The following EDN1 variants were observed in gnomAD, a reference collection of about 807,000 sequenced individuals.
The protein encoded by EDN1 is endothelin 1, also known as endothelin-1.
A neutral mutation model predicts 21.7 loss-of-function variants in EDN1; 11 were observed. The ratio of observed to expected loss-of-function variants is 0.51; its 90% CI spans 0.32 to 0.84. EDN1 has a LOEUF of 0.84. EDN1 is among the 40% of genes least tolerant of loss of function. The pLI is 0.03. For missense variants in EDN1, 244 were observed against 262.3 expected (o/e 0.93, Z 0.48); for synonymous variants, 85 against 90.6 (o/e 0.94, Z 0.35).
the EDN1 span, among the ~76,000 whole-genome samples, chr6:12,283,739 T>C: frequency 1.1e-4 from 16 of 152,368 alleles, no homozygotes; most frequent in African/African-American, 3.8e-4. Flanking sequence ...TAACCACACA[T>C]GTTGTCTACA....
At chr6:12,273,569 C>T in the EDN1 span, among the ~76,000 whole-genome samples, 1 of 146,450 alleles carries the variant, frequency 6.8e-6, no homozygotes, top group South Asian at 2.1e-4. Context: ...TATATTTAAA[C>T]ACTGATGAGA....
chr6:12,232,262 T>G, the EDN1 span, among the ~76,000 whole-genome samples: 1 of 149,342 alleles, frequency 6.7e-6, no homozygotes, highest in Admixed American at 6.7e-5. Context: ...ATAATTATAA[T>G]ATACACTTTA....
the EDN1 span, among the ~76,000 whole-genome samples, chr6:12,235,224 G>A: frequency 2.0e-5 from 3 of 152,166 alleles, no homozygotes; most frequent in Non-Finnish European, 2.9e-5. Flanking sequence ...AAAGTACAGC[G>A]CAATTGTATG....
chr6:12,260,561 T>C, the EDN1 span, among the ~76,000 whole-genome samples: 1 of 152,202 alleles, frequency 6.6e-6, no homozygotes, highest in African/African-American at 2.4e-5. Context: ...TACCTTCCTC[T>C]TTTTCCCATT....
rs762900257 is a variant in EDN1 at position 12,290,556 on chromosome 6, G to C, written c.-74G>C. On this transcript the variant is annotated 5_prime_UTR_variant, in exon 1 of 5. Coordinates refer to ENST00000379375, the MANE Select transcript of EDN1 (RefSeq NM_001955.5). The stretch of plus-strand genomic sequence containing the variant: ...CTGAGGAACCCGCAGCGCTTTGAGG[G>C]ACCTGAAGCTGTTTTTCTTCGTTTT... The C allele has an allele frequency of 1.3e-5, 16 of 1,255,766 alleles. No individual in the cohort carries two copies. Among genetic ancestry groups the C allele is most frequent in the African/African-American group, 2.9e-5 (2 of 67,834 alleles). The allele number at this position is 1,255,766 out of a possible 1,614,324, so 77.8% of individuals were successfully genotyped here. A position where few individuals can be genotyped will look rare whatever the true frequency, so the allele number is the denominator to read the frequency against.
chr6:12,233,400 C>T, the EDN1 span, among the ~76,000 whole-genome samples: 39 of 152,248 alleles, frequency 2.6e-4, no homozygotes, highest in South Asian at 4.1e-3. Context: ...CTAGTCTACC[C>T]GCCTTCTTCC....
At chr6:12,269,879 T>C in the EDN1 span, among the ~76,000 whole-genome samples, 1 of 152,088 alleles carries the variant, frequency 6.6e-6, no homozygotes, top group Admixed American at 6.5e-5. Context: ...TTGAAAAGAA[T>C]TGATGTTCAT....
At chr6:12,254,355 TA>T in the EDN1 span, among the ~76,000 whole-genome samples, 1 of 152,218 alleles carries the variant, frequency 6.6e-6, no homozygotes, top group Non-Finnish European at 1.5e-5. Context: ...CTTCTCCTTG[TA>T]AACCTTTCCT....
chr6:12,245,631 A>T, the EDN1 span, among the ~76,000 whole-genome samples: 15 of 152,202 alleles, frequency 9.9e-5, no homozygotes, highest in Non-Finnish European at 7.3e-5. Context: ...AGATTATAGA[A>T]ACACCCTCAG....
chr6:12,296,173 G>C lies in EDN1; in HGVS notation c.*106G>C. 3 of 1,013,280 alleles carry C rather than the reference G, an allele frequency of 3.0e-6. No homozygotes were observed. Among genetic ancestry groups the C allele is most frequent in the Non-Finnish European group, 3.1e-6 (2 of 638,834 alleles). 62.8% of individuals were successfully genotyped at this position (1,013,280 alleles called of 1,614,324 possible). On this transcript the variant is annotated 3_prime_UTR_variant, in exon 5 of 5. Transcript: ENST00000379375. Reference sequence around the variant, plus strand: ...ATCAGAGCAGGAGCATCCTCTGCTGGTTCCTGACTGGCAAAGGACCAGCGT... The same window carrying C: ...ATCAGAGCAGGAGCATCCTCTGCTGCTTCCTGACTGGCAAAGGACCAGCGT...
chr6:12,267,892 C>T, the EDN1 span, among the ~76,000 whole-genome samples: 21 of 152,198 alleles, frequency 1.4e-4, no homozygotes, highest in African/African-American at 5.1e-4. Flanking sequence ...AAGCCAATGC[C>T]TATTTACCAT....
chr6:12,260,622 T>A, the EDN1 span, among the ~76,000 whole-genome samples: 1 of 152,242 alleles, frequency 6.6e-6, no homozygotes, highest in African/African-American at 2.4e-5. Flanking sequence ...TATAACCACA[T>A]AAATATTGTT....
the EDN1 span, among the ~76,000 whole-genome samples, chr6:12,279,746 C>G: frequency 6.6e-6 from 1 of 152,126 alleles, no homozygotes; most frequent in Non-Finnish European, 1.5e-5. Context: ...ATGATCAGAA[C>G]CTTAAATGAA....
chr6:12,236,367 C>T, the EDN1 span, among the ~76,000 whole-genome samples: 1 of 152,100 alleles, frequency 6.6e-6, no homozygotes, highest in South Asian at 2.1e-4. Context: ...CAGTGATTCT[C>T]CTGCCTCAGC....
chr6:12,274,219 A>G, the EDN1 span, among the ~76,000 whole-genome samples: 31 of 152,326 alleles, frequency 2.0e-4, 1 homozygote, highest in African/African-American at 6.7e-4. Flanking sequence ...ACTAATTCTA[A>G]TGGATTTTAT....
At chr6:12,280,349 T>C in the EDN1 span, among the ~76,000 whole-genome samples, 1 of 152,250 alleles carries the variant, frequency 6.6e-6, no homozygotes, top group South Asian at 2.1e-4. Flanking sequence ...TCTTCCTGTA[T>C]ATTCTATAAT....
chr6:12,285,633 G>A (rs145289816), upstream of EDN1, among the ~76,000 whole-genome samples: 41 of 152,208 alleles, frequency 2.7e-4, no homozygotes, highest in Admixed American at 1.4e-3. Context: ...GTGCAGTGGC[G>A]CAATCTCGGC....
the EDN1 span, among the ~76,000 whole-genome samples, chr6:12,233,374 G>A: frequency 1.3e-5 from 2 of 152,154 alleles, no homozygotes; most frequent in African/African-American, 4.8e-5. Context: ...GCATTAAAGA[G>A]GACTGTAGAA....
At chr6:12,289,190 T>C (rs1762615902), upstream of EDN1, among the ~76,000 whole-genome samples, 1 of 152,172 alleles carries the variant, frequency 6.6e-6, no homozygotes, top group South Asian at 2.1e-4. Context: ...TGTAAACACA[T>C]TATTAAATGT....
Sources: gnomAD v4.1 joint callset for allele counts (sites outside exome capture counted in the v4.1 genomes callset) on GRCh38, gnomAD v4.1.1 for gene constraint, MANE v1.5 for transcripts, NCBI Gene and HGNC (gene_info 2026-07-23, HGNC 2026-07-21) for gene names.